CHODL: variants seen among roughly 807,000 people sequenced by gnomAD.
CHODL encodes chondrolectin, also known as transmembrane protein MT75.
CHODL carries 29 observed loss-of-function variants against 34.5 expected under a neutral mutation model. That is an observed-to-expected ratio of 0.84 (90% CI 0.63 to 1.15). The LOEUF is 1.15. Ranked by LOEUF, CHODL falls within the 50% of genes most tolerant of loss-of-function variation. The probability of loss-of-function intolerance (pLI) is 0.00; values close to 1 mark genes in which losing one functional copy is unlikely to be tolerated. For synonymous variants in CHODL, 125 were observed against 116.1 expected, an observed-to-expected ratio of 1.08 and a Z score of -0.49; for missense variants, 332 against 332.5, an observed-to-expected ratio of 1.00 and a Z score of 0.01.
At chr21:18,124,004 G>A (rs905861168) in intron 2 of CHODL, among the ~76,000 whole-genome samples, 5 of 152,194 alleles carry the variant, frequency 3.3e-5, no homozygotes, top group Admixed American at 3.3e-4. Flanking sequence ...CCAACGTGGT[G>A]AAATCCCGTC....
intron 1 of CHODL, among the ~76,000 whole-genome samples, chr21:18,023,321 C>A (rs1455396807): frequency 6.6e-6 from 1 of 152,016 alleles, no homozygotes; most frequent in Non-Finnish European, 1.5e-5. Flanking sequence ...AACTGGGTGG[C>A]CAGTTGGTTG....
At chr21:18,028,188 T>G (rs1371447827) in intron 2 of CHODL, among the ~76,000 whole-genome samples, 1 of 151,728 alleles carries the variant, frequency 6.6e-6, no homozygotes, top group Non-Finnish European at 1.5e-5. Flanking sequence ...TCACAGCACC[T>G]TATTATTTCC....
intron 2 of CHODL, among the ~76,000 whole-genome samples, chr21:18,040,682 G>T (rs2064364284): frequency 6.6e-6 from 1 of 151,832 alleles, no homozygotes; most frequent in South Asian, 2.1e-4. Flanking sequence ...TCCATAAAAA[G>T]ACTGTTATAG....
chr21:18,095,329 A>C lies in CHODL; in HGVS notation c.-45+67358A>C, dbSNP rs578232710. Among the ~76,000 whole-genome samples the C allele has an allele frequency of 5.9e-5, 9 of 152,240 alleles. No homozygotes were observed. In the East Asian group the frequency reaches 1.7e-3, roughly 29 times the overall value. On this transcript the variant is annotated intron_variant, in intron 2 of 6. Coordinates refer to the CHODL transcript ENST00000400127. ...TCAGAGATGAGAAAGGAGACATTACAGCTGATACCACAGAAATTCAAAGAA... is the reference window on the plus strand; with the variant it reads ...TCAGAGATGAGAAAGGAGACATTACCGCTGATACCACAGAAATTCAAAGAA...
intron 1 of CHODL, among the ~76,000 whole-genome samples, chr21:17,986,815 C>CTTTA (rs1326347574): frequency 6.6e-6 from 1 of 152,052 alleles, no homozygotes; most frequent in Non-Finnish European, 1.5e-5. Context: ...CCCAGCAGTA[C>CTTTA]TTTAATTAAT....
intron 1 of CHODL, among the ~76,000 whole-genome samples, chr21:17,975,008 A>G (rs1311583961): frequency 2.0e-5 from 3 of 151,326 alleles, no homozygotes; most frequent in East Asian, 3.9e-4. Flanking sequence ...ATTGTTCAAG[A>G]TAGCTATTTG....
At chr21:17,984,005 T>A (rs1016843602) in intron 1 of CHODL, among the ~76,000 whole-genome samples, 5 of 152,152 alleles carry the variant, frequency 3.3e-5, no homozygotes, top group African/African-American at 1.2e-4. Context: ...GTGGGTACTA[T>A]GTTGTAGAGC....
At chr21:17,918,268 T>G (rs2063156956) in intron 1 of CHODL, among the ~76,000 whole-genome samples, 1 of 152,086 alleles carries the variant, frequency 6.6e-6, no homozygotes, top group South Asian at 2.1e-4. Context: ...AACTTTTCTG[T>G]GCCACAATTT....
chr21:18,207,978 C>G (rs1214935064), intron 2 of CHODL, among the ~76,000 whole-genome samples: 1 of 151,930 alleles, frequency 6.6e-6, no homozygotes, highest in East Asian at 1.9e-4. Flanking sequence ...CTATAACCTT[C>G]TTGTACTTGA....
intron 2 of CHODL, among the ~76,000 whole-genome samples, chr21:18,135,704 CTGTT>C (rs1383514447): frequency 2.0e-5 from 3 of 152,160 alleles, no homozygotes; most frequent in Non-Finnish European, 2.9e-5. Context: ...GGGTCAGATA[CTGTT>C]TGAAACCAAA....
At chr21:18,209,080 A>C (rs2073745924) in intron 2 of CHODL, among the ~76,000 whole-genome samples, 1 of 152,158 alleles carries the variant, frequency 6.6e-6, no homozygotes, top group African/African-American at 2.4e-5. Flanking sequence ...TGTCAAAGTC[A>C]GCCAGGCTTG....
intron 2 of CHODL, among the ~76,000 whole-genome samples, chr21:18,229,403 GATAT>G (rs1316635992): frequency 6.6e-6 from 1 of 152,114 alleles, no homozygotes; most frequent in Non-Finnish European, 1.5e-5. Flanking sequence ...AGGTGTGTTC[GATAT>G]ATCTGGCATT....
intron 1 of CHODL, among the ~76,000 whole-genome samples, chr21:18,251,260 T>C (rs1473216993): frequency 1.3e-5 from 2 of 150,404 alleles, no homozygotes; most frequent in Non-Finnish European, 3.0e-5. Flanking sequence ...AAATCTTTGT[T>C]GTGACAGTGA....
intron 2 of CHODL, among the ~76,000 whole-genome samples, chr21:18,156,966 T>C (rs2073042083): frequency 6.6e-6 from 1 of 152,228 alleles, no homozygotes; most frequent in African/African-American, 2.4e-5. Flanking sequence ...CCTTGCCCTC[T>C]CTGAGTGGCT....
At chr21:18,027,115 G>GA (rs35428822) in intron 1 of CHODL, among the ~76,000 whole-genome samples, 150,861 of 150,948 alleles carry the variant, frequency 1, 75,387 homozygotes, top group Middle Eastern at 1. Flanking sequence ...CTATTACTAT[G>GA]AAAAAAAAAT....
At chr21:18,062,833 T>C (rs2064685205) in intron 2 of CHODL, among the ~76,000 whole-genome samples, 1 of 151,958 alleles carries the variant, frequency 6.6e-6, no homozygotes, top group Non-Finnish European at 1.5e-5. Flanking sequence ...TTAATTCTGA[T>C]GCGGGAAAAC....
intron 2 of CHODL, among the ~76,000 whole-genome samples, chr21:18,072,690 G>A (rs1307970081): frequency 1.3e-5 from 2 of 151,826 alleles, no homozygotes; most frequent in Admixed American, 6.6e-5. Flanking sequence ...CATGGATGAG[G>A]TAATACAATC....
chr21:18,085,520 A>G (rs990178618), intron 2 of CHODL, among the ~76,000 whole-genome samples: 1 of 152,124 alleles, frequency 6.6e-6, no homozygotes, highest in African/African-American at 2.4e-5. Flanking sequence ...CATGTTTAAG[A>G]CGCCTCTGAG....
intron 2 of CHODL, among the ~76,000 whole-genome samples, chr21:18,143,622 A>T (rs1448100928): frequency 6.6e-6 from 1 of 152,116 alleles, no homozygotes; most frequent in Admixed American, 6.5e-5. Flanking sequence ...TTTCTCATCT[A>T]TAAGACGGGA....
Sources: gnomAD v4.1 joint callset for allele counts (sites outside exome capture counted in the v4.1 genomes callset) on GRCh38, gnomAD v4.1.1 for gene constraint, MANE v1.5 for transcripts, NCBI Gene and HGNC (gene_info 2026-07-23, HGNC 2026-07-21) for gene names.